DIAPH2: variants seen among roughly 807,000 people sequenced by gnomAD.
DIAPH2 encodes protein diaphanous homolog 2.
In DIAPH2, 35 loss-of-function variants were observed where a neutral mutation model predicts 92.7. That is an observed-to-expected ratio of 0.38 (90% CI 0.29 to 0.50). The LOEUF (loss-of-function observed/expected upper bound fraction) is 0.50, where lower values mean the gene tolerates loss of function less well. Among genes scored for constraint, DIAPH2 ranks in the 20% least tolerant of loss-of-function variants. The pLI, the probability that DIAPH2 is intolerant of heterozygous loss-of-function variation, is 0.94. For synonymous variants in DIAPH2, 301 were observed against 280.4 expected, an observed-to-expected ratio of 1.07 and a Z score of -0.73; for missense variants, 701 against 819.5, an observed-to-expected ratio of 0.86 and a Z score of 1.77.
chrX:97,370,159 G>T (rs1262508549), intron 24 of DIAPH2, among the ~76,000 whole-genome samples: 1 of 111,372 alleles, frequency 9.0e-6, no homozygotes, highest in African/African-American at 3.3e-5. Flanking sequence ...CTCAATGAAG[G>T]CATAAGTCAC....
intron 4 of DIAPH2, among the ~76,000 whole-genome samples, chrX:96,765,459 A>G (rs1464024552): frequency 3.6e-5 from 4 of 111,031 alleles, no homozygotes; most frequent in Non-Finnish European, 7.5e-5. Context: ...CTGGCCTCTT[A>G]AAGTGCTGAG....
At chrX:97,092,317 T>C (rs1280174463) in intron 19 of DIAPH2, among the ~76,000 whole-genome samples, 1 of 112,962 alleles carries the variant, frequency 8.9e-6, no homozygotes, top group Admixed American at 9.3e-5. Flanking sequence ...ACTAATCAGC[T>C]ATATTGCTGG....
At chrX:96,935,322 G>C (rs1405612868) in intron 10 of DIAPH2, among the ~76,000 whole-genome samples, 2 of 111,067 alleles carry the variant, frequency 1.8e-5, no homozygotes, top group Non-Finnish European at 3.8e-5. Context: ...TTGCTGGAAG[G>C]AAGTTTCATA....
At chrX:97,286,586 C>T (rs1448294603) in intron 23 of DIAPH2, among the ~76,000 whole-genome samples, 5 of 111,212 alleles carry the variant, frequency 4.5e-5, no homozygotes, top group African/African-American at 1.6e-4. Flanking sequence ...GAGCTCCATG[C>T]CACACATATT....
chrX:97,465,577 A>G (rs2070504777), intron 26 of DIAPH2, among the ~76,000 whole-genome samples: 1 of 111,630 alleles, frequency 9.0e-6, no homozygotes, highest in Admixed American at 9.5e-5. Context: ...TATATAAGGA[A>G]CTTGAGCATC....
At chrX:97,500,929 T>C (rs923071988) in intron 26 of DIAPH2, among the ~76,000 whole-genome samples, 4 of 108,379 alleles carry the variant, frequency 3.7e-5, no homozygotes, top group Non-Finnish European at 7.6e-5. Flanking sequence ...TACACTTCTA[T>C]TCCTTCCTTT....
chrX:97,486,253 A>G (rs922631286), intron 26 of DIAPH2, among the ~76,000 whole-genome samples: 2 of 111,676 alleles, frequency 1.8e-5, no homozygotes, highest in Non-Finnish European at 3.8e-5. Flanking sequence ...ACTGGAAAAT[A>G]GCATTTGAAA....
chrX:96,754,326 A>T (rs1158085436), intron 3 of DIAPH2, among the ~76,000 whole-genome samples: 1 of 112,162 alleles, frequency 8.9e-6, no homozygotes, highest in Non-Finnish European at 1.9e-5. Flanking sequence ...CAACAAACAT[A>T]TATAGCATTT....
chrX:97,282,531 G>A (rs1298185920), intron 23 of DIAPH2, among the ~76,000 whole-genome samples: 3 of 111,060 alleles, frequency 2.7e-5, no homozygotes, highest in Admixed American at 9.6e-5. Flanking sequence ...GGCTGGTCTC[G>A]AACCCCTGAC....
intron 19 of DIAPH2, among the ~76,000 whole-genome samples, chrX:97,093,044 C>CT (rs2066837566): frequency 9.3e-6 from 1 of 107,902 alleles, no homozygotes; most frequent in Non-Finnish European, 1.9e-5. Flanking sequence ...AAAAATCAGC[C>CT]AGGCCTGGTG....
chrX:97,261,421 A>C (rs184099588), intron 23 of DIAPH2, among the ~76,000 whole-genome samples: 30 of 112,430 alleles, frequency 2.7e-4, no homozygotes. Context: ...ATATTGATCC[A>C]AAACTCTCAA....
chrX:97,447,987 G>T (rs1409862711), intron 26 of DIAPH2, among the ~76,000 whole-genome samples: 1 of 112,132 alleles, frequency 8.9e-6, no homozygotes, highest in Non-Finnish European at 1.9e-5. Context: ...ATTTTACAGA[G>T]CTGTAAGTTT....
chrX:97,543,201 G>C (rs1187776389), intron 26 of DIAPH2, among the ~76,000 whole-genome samples: 1 of 111,942 alleles, frequency 8.9e-6, no homozygotes, highest in Non-Finnish European at 1.9e-5. Context: ...AAATTTCATG[G>C]CTTCTCCAGA....
intron 24 of DIAPH2, among the ~76,000 whole-genome samples, chrX:97,364,753 C>G: frequency 1.3e-5 from 1 of 76,005 alleles, no homozygotes; most frequent in South Asian, 8.4e-4. Flanking sequence ...AAAAATGTCT[C>G]CTGGTGTTTT....
At chrX:96,901,259 AT>A (rs1200028736) in intron 5 of DIAPH2, among the ~76,000 whole-genome samples, 1 of 110,237 alleles carries the variant, frequency 9.1e-6, no homozygotes, top group African/African-American at 3.3e-5. Context: ...AAAGGTCTTC[AT>A]AGTAGTCTTG....
At chrX:96,731,430 C>T (rs1209824590) in intron 1 of DIAPH2, among the ~76,000 whole-genome samples, 2 of 111,259 alleles carry the variant, frequency 1.8e-5, no homozygotes, top group African/African-American at 3.3e-5. Context: ...AGTGCGAATA[C>T]GTTTTTGAGT....
Position 97,160,834 on chromosome X carries a change from A to C in DIAPH2, c.2719+19040A>C, listed in dbSNP as rs2067364431. On this transcript the variant is annotated intron_variant, in intron 22 of 26. Coordinates refer to ENST00000324765, the MANE Select transcript of DIAPH2 (RefSeq NM_006729.5). ...ACATAGAATTTATTATATATTGATC[A>C]CAGAGAGATACCATATACCAAACAC... 3.6e-5 allele frequency among the ~76,000 whole-genome samples: 4 copies of C among 111,606 alleles called. No individual in the cohort carries two copies. In the South Asian group the frequency reaches 1.5e-3, roughly 41 times the overall value.
chrX:96,914,103 T>C (rs993482620), intron 7 of DIAPH2, among the ~76,000 whole-genome samples: 1 of 110,905 alleles, frequency 9.0e-6, no homozygotes, highest in East Asian at 2.9e-4. Flanking sequence ...CTCAAGCATA[T>C]GGAAATACAT....
intron 5 of DIAPH2, among the ~76,000 whole-genome samples, chrX:96,890,503 G>C (rs2065299891): frequency 9.0e-6 from 1 of 111,272 alleles, no homozygotes; most frequent in Admixed American, 9.6e-5. Flanking sequence ...AAACTCTGTT[G>C]CATAACTGTT....
Sources: gnomAD v4.1 joint callset for allele counts (sites outside exome capture counted in the v4.1 genomes callset) on GRCh38, gnomAD v4.1.1 for gene constraint, MANE v1.5 for transcripts, NCBI Gene and HGNC (gene_info 2026-07-23, HGNC 2026-07-21) for gene names.